IFT80: variants seen among roughly 807,000 people sequenced by gnomAD.
IFT80 encodes intraflagellar transport 80, also known as intraflagellar transport protein 80 homolog.
IFT80 carries 79 observed loss-of-function variants against 107.9 expected under a neutral mutation model. The observed-to-expected ratio is 0.73, with a 90% CI of 0.61 to 0.88. The LOEUF is 0.88. Ranked by LOEUF, IFT80 falls within the 40% of genes least tolerant of loss-of-function variation. IFT80 has a pLI of 0.00. For synonymous variants in IFT80, 299 were observed against 300.9 expected, an observed-to-expected ratio of 0.99 and a Z score of 0.07; for missense variants, 797 against 914.2, an observed-to-expected ratio of 0.87 and a Z score of 1.65.
intron 9 of IFT80, among the ~76,000 whole-genome samples, chr3:160,309,674 G>A (rs992044891): frequency 6.6e-6 from 1 of 151,628 alleles, no homozygotes; most frequent in Admixed American, 6.6e-5. Context: ...GCAACAGAGC[G>A]AGACTCCCAT....
intron 1 of IFT80, among the ~76,000 whole-genome samples, chr3:160,386,385 G>A (rs1211349412): frequency 6.6e-6 from 1 of 152,214 alleles, no homozygotes; most frequent in Non-Finnish European, 1.5e-5. Flanking sequence ...TCTGCCTAAA[G>A]GGATTGATCA....
intron 9 of IFT80, among the ~76,000 whole-genome samples, chr3:160,308,408 C>G (rs188120494): frequency 3.4e-4 from 51 of 152,084 alleles, no homozygotes; most frequent in Non-Finnish European, 4.9e-4. Flanking sequence ...AAATTTGTAA[C>G]AGACTATTTT....
chr3:160,314,953 A>T (rs1717684216), intron 9 of IFT80, among the ~76,000 whole-genome samples: 1 of 151,964 alleles, frequency 6.6e-6, no homozygotes, highest in Non-Finnish European at 1.5e-5. Flanking sequence ...AGGAACACAA[A>T]ATCACAGGAA....
At chr3:160,338,699 G>A (rs1321662675) in intron 8 of IFT80, among the ~76,000 whole-genome samples, 1 of 151,930 alleles carries the variant, frequency 6.6e-6, no homozygotes, top group African/African-American at 2.4e-5. Flanking sequence ...GAAGGGCATG[G>A]TGACATGGAG....
chr3:160,318,011 GGT>G (rs1006527587), intron 9 of IFT80, among the ~76,000 whole-genome samples: 3 of 151,074 alleles, frequency 2.0e-5, no homozygotes, highest in African/African-American at 7.3e-5. Context: ...ATGGTAGTGT[GGT>G]TATATTAAAA....
intron 11 of IFT80, among the ~76,000 whole-genome samples, chr3:160,302,735 G>A (rs1716537296): frequency 6.6e-6 from 1 of 151,904 alleles, no homozygotes; most frequent in South Asian, 2.1e-4. Flanking sequence ...CCTTTTAAAT[G>A]ACAAAAATGA....
At chr3:160,289,940 G>A (rs886908956) in intron 12 of IFT80, among the ~76,000 whole-genome samples, 7 of 152,160 alleles carry the variant, frequency 4.6e-5, no homozygotes, top group Non-Finnish European at 8.8e-5. Context: ...CCCTAAAGGA[G>A]ACTACAATTA....
chr3:160,346,482 T>C (rs1046829077), intron 8 of IFT80, among the ~76,000 whole-genome samples: 18 of 152,234 alleles, frequency 1.2e-4, no homozygotes, highest in Non-Finnish European at 2.4e-4. Context: ...TTTCTTTCCC[T>C]GTGAATGGGC....
Position 160,381,618 on chromosome 3 carries a change from A to C in IFT80, c.144T>G (p.Thr48=). 1 of 1,613,118 alleles carries C rather than the reference A, an allele frequency of 6.2e-7. No individual in the cohort carries two copies. The highest frequency in any genetic ancestry group is 2.2e-5 in the East Asian group (1 of 44,826). The part of the protein sequence containing the change: ...VKWNLLTSET[T]QIVKLPDDIY... ...TATCATCAGGAAGCTTTACTATTTG[A>C]GTTGTTTCACTGGTTAACAAGTTCC... Residue 48 remains threonine (T), a synonymous_variant, in exon 3 of 20, where the codon ACT becomes ACG. Coordinates refer to ENST00000326448, the MANE Select transcript of IFT80 (RefSeq NM_020800.3).
At chr3:160,388,170 G>A (rs1003129195) in intron 1 of IFT80, among the ~76,000 whole-genome samples, 22 of 150,984 alleles carry the variant, frequency 1.5e-4, no homozygotes, top group Admixed American at 2.6e-4. Flanking sequence ...GCAGATGACC[G>A]CATAAAAGCA....
At chr3:160,370,094 C>G (rs1722129367) in intron 5 of IFT80, among the ~76,000 whole-genome samples, 1 of 152,094 alleles carries the variant, frequency 6.6e-6, no homozygotes, top group Non-Finnish European at 1.5e-5. Context: ...AGTACATGGT[C>G]AAATATACCA....
chr3:160,296,756 T>C lies in IFT80; in HGVS notation c.1315+4127A>G, dbSNP rs559301596. On this transcript the variant is annotated intron_variant, in intron 12 of 19. Transcript: ENST00000326448. ...CACCAATGACCCATATATTGCCAAA[T>C]CAAAGACTATTTTTAGTCCTCACTC... Among the ~76,000 whole-genome samples, 18 of 152,260 alleles carry C rather than the reference T, an allele frequency of 1.2e-4. No individual in the cohort carries two copies. In the South Asian group the frequency reaches 3.5e-3, roughly 30 times the overall value.
intron 1 of IFT80, among the ~76,000 whole-genome samples, chr3:160,390,484 T>C (rs1184127362): frequency 6.6e-6 from 1 of 151,434 alleles, no homozygotes; most frequent in Non-Finnish European, 1.5e-5. Flanking sequence ...TAAGTTAGAC[T>C]TTGAGAGTAA....
intron 14 of IFT80, among the ~76,000 whole-genome samples, chr3:160,281,751 G>C (rs1346826699): frequency 6.6e-6 from 1 of 152,180 alleles, no homozygotes; most frequent in Non-Finnish European, 1.5e-5. Flanking sequence ...AAGTGAGCAT[G>C]TGTATAACTT....
intron 8 of IFT80, 170 bp from the exon 9 acceptor site, chr3:160,320,109 A>G (rs1379841746): frequency 5.0e-6 from 3 of 604,040 alleles, no homozygotes; most frequent in Non-Finnish European, 8.7e-6. Context: ...ATACAGATGT[A>G]ATTGTTGAAG....
intron 12 of IFT80, among the ~76,000 whole-genome samples, chr3:160,299,478 T>C (rs970986934): frequency 1.3e-5 from 2 of 152,224 alleles, no homozygotes; most frequent in African/African-American, 4.8e-5. Flanking sequence ...ATGATATATA[T>C]TAACAGAGAG....
chr3:160,369,545 G>A lies in IFT80; in HGVS notation c.440-3393C>T, dbSNP rs144981801. Among the ~76,000 whole-genome samples, 46 of 151,886 alleles carry A rather than the reference G, an allele frequency of 3.0e-4. No homozygotes were observed. In the East Asian group the frequency reaches 8.1e-3, roughly 27 times the overall value. ...GTTCTAATAAAGATCATTATTAAAA[G>A]TGGAAGAATCAGCTTCATGAAATAA... On this transcript the variant is annotated intron_variant, in intron 5 of 19. Transcript: ENST00000326448.
intron 19 of IFT80, among the ~76,000 whole-genome samples, chr3:160,260,738 T>A (rs757581890): frequency 6.6e-6 from 1 of 152,228 alleles, no homozygotes; most frequent in Non-Finnish European, 1.5e-5. Context: ...TTTGCTAGTA[T>A]AGGGACTGCC....
intron 12 of IFT80, among the ~76,000 whole-genome samples, chr3:160,293,711 C>T (rs1715752143): frequency 6.6e-6 from 1 of 152,160 alleles, no homozygotes; most frequent in Non-Finnish European, 1.5e-5. Flanking sequence ...TAGATAGCTT[C>T]AGGATAGCGG....
Sources: allele counts gnomAD v4.1 joint callset (sites outside exome capture counted in the v4.1 genomes callset), GRCh38; gene constraint gnomAD v4.1.1; transcripts MANE v1.5; gene names NCBI Gene and HGNC (gene_info 2026-07-23, HGNC 2026-07-21).